ALK: variants seen among roughly 807,000 people sequenced by gnomAD.
ALK encodes ALK tyrosine kinase receptor.
In ALK, 74 loss-of-function variants were observed where a neutral mutation model predicts 163.1. The observed-to-expected ratio is 0.45, with a 90% CI of 0.38 to 0.55. The LOEUF is 0.55. ALK is among the 20% of genes least tolerant of loss of function. The pLI is 0.00. For synonymous variants in ALK, 960 were observed against 843.2 expected (o/e 1.14, Z -2.40); for missense variants, 2,063 against 2,105.3 (o/e 0.98, Z 0.39).
At chr2:29,500,070 C>T (rs1306481119) in intron 4 of ALK, among the ~76,000 whole-genome samples, 1 of 152,198 alleles carries the variant, frequency 6.6e-6, no homozygotes, top group African/African-American at 2.4e-5. Context: ...ATGGCTCCTT[C>T]CCCACAGTGG....
chr2:29,200,788 TAC>T lies in ALK; in HGVS notation c.3939-3114_3939-3113del, dbSNP rs368405957. Among the ~76,000 whole-genome samples, 820 of 133,468 alleles carry T rather than the reference TAC, an allele frequency of 6.1e-3. 17 individuals carry two copies. The highest frequency in any genetic ancestry group is 0.027 in the Admixed American group (343 of 12,682). 87.6% of individuals were successfully genotyped at this position (133,468 alleles called of 152,430 possible). ...ATATATATACGTATATATATGTATA[TAC>T]ATGTATACATATATATGTGTGTATA... is the stretch of plus-strand genomic sequence containing the variant. On this transcript the variant is annotated intron_variant, in intron 26 of 28. Transcript: ENST00000389048.
intron 5 of ALK, among the ~76,000 whole-genome samples, chr2:29,344,075 A>G (rs1667877801): frequency 6.6e-6 from 1 of 152,242 alleles, no homozygotes; most frequent in Non-Finnish European, 1.5e-5. Context: ...CAGGGGCACA[A>G]GTGTCTCCTA....
intron 4 of ALK, among the ~76,000 whole-genome samples, chr2:29,503,308 T>C (rs548531644): frequency 1.3e-5 from 2 of 152,360 alleles, no homozygotes; most frequent in South Asian, 4.1e-4. Context: ...GGATCTGGTC[T>C]ATTGGATTTA....
intron 4 of ALK, among the ~76,000 whole-genome samples, chr2:29,485,896 T>C (rs1222610935): frequency 6.6e-6 from 1 of 152,184 alleles, no homozygotes; most frequent in African/African-American, 2.4e-5. Flanking sequence ...TTGTGGGAGC[T>C]GATCTCATGT....
At chr2:29,826,243 A>G (rs745486577) in intron 1 of ALK, among the ~76,000 whole-genome samples, 1 of 132,392 alleles carries the variant, frequency 7.6e-6, no homozygotes, top group African/African-American at 2.7e-5. Flanking sequence ...GCAAAATCCA[A>G]ACTATTACAG....
At chr2:29,260,863 A>G (rs999990659) in intron 11 of ALK, among the ~76,000 whole-genome samples, 4 of 151,680 alleles carry the variant, frequency 2.6e-5, no homozygotes, top group Non-Finnish European at 5.9e-5. Context: ...AAAAAAAACA[A>G]CAACAAAAAA....
intron 12 of ALK, among the ~76,000 whole-genome samples, chr2:29,240,860 T>C (rs1242195101): frequency 2.0e-5 from 3 of 152,202 alleles, no homozygotes; most frequent in African/African-American, 4.8e-5. Context: ...TCCATGTGTA[T>C]TCAGATCCAA....
At chr2:29,813,759 T>TAAA (rs1664818340) in intron 1 of ALK, among the ~76,000 whole-genome samples, 1 of 152,036 alleles carries the variant, frequency 6.6e-6, no homozygotes, top group African/African-American at 2.4e-5. Context: ...CTCAGTCTGT[T>TAAA]CTCCTTGTGG....
rs570820266 is a variant in ALK, at chr2:29,831,739, G to A, written c.667+88254C>T. Among the ~76,000 whole-genome samples, 8 of 152,220 alleles carry A rather than the reference G, an allele frequency of 5.3e-5. No individual in the cohort carries two copies. The South Asian group carries it at 6.2e-4, about 12-fold the overall frequency. On this transcript the variant is annotated intron_variant, in intron 1 of 28. Transcript: ENST00000389048. ...ATAGTTTCTCCAGATGCTAAATGAC[G>A]ATATACATATGTGTCACTCTCTATG...
intron 4 of ALK, among the ~76,000 whole-genome samples, chr2:29,520,269 G>A (rs987996958): frequency 2.6e-5 from 4 of 152,168 alleles, no homozygotes; most frequent in Non-Finnish European, 5.9e-5. Flanking sequence ...GAAGTGAGTC[G>A]TTATGAAGAA....
chr2:29,508,941 A>G (rs1437904867), intron 4 of ALK, among the ~76,000 whole-genome samples: 1 of 152,082 alleles, frequency 6.6e-6, no homozygotes, highest in Non-Finnish European at 1.5e-5. Context: ...AAAGATGCCC[A>G]GGCTCCTTTC....
At chr2:29,306,696 C>T (rs7584501) in intron 8 of ALK, among the ~76,000 whole-genome samples, 2 of 152,132 alleles carry the variant, frequency 1.3e-5, no homozygotes, top group Non-Finnish European at 2.9e-5. Context: ...CACAAATATG[C>T]GAAATCTGAC....
intron 1 of ALK, among the ~76,000 whole-genome samples, chr2:29,823,024 G>A (rs1214187039): frequency 6.6e-6 from 1 of 152,194 alleles, no homozygotes; most frequent in Admixed American, 6.5e-5. Context: ...ATTTCCACGT[G>A]TTATGGGAGG....
At position 29,369,643 on chromosome 2, in the gene ALK, A is replaced by C. The variant is rs572496086; in HGVS notation, c.1282+14089T>G. 1.2e-4 allele frequency among the ~76,000 whole-genome samples: 19 copies of C among 152,252 alleles called. No homozygotes were observed. In the East Asian group the frequency reaches 3.5e-3, roughly 28 times the overall value. On this transcript the variant is annotated intron_variant, in intron 5 of 28. Transcript: ENST00000389048. The stretch of plus-strand genomic sequence containing the variant: ...CACGGCCCAGGTTTCTTCCCTTCAC[A>C]AAAGGAAAGGAAGAAAGTCGAGAAG...
chr2:29,833,025 T>C (rs879876245), intron 1 of ALK, among the ~76,000 whole-genome samples: 1 of 152,036 alleles, frequency 6.6e-6, no homozygotes, highest in African/African-American at 2.4e-5. Flanking sequence ...GAGCCCAGTG[T>C]GGGTGGGTGC....
At chr2:29,252,709 A>T (rs931532140) in intron 11 of ALK, among the ~76,000 whole-genome samples, 4 of 151,694 alleles carry the variant, frequency 2.6e-5, no homozygotes, top group Admixed American at 2.0e-4. Flanking sequence ...TTATTTATTT[A>T]TTTTTTGCAA....
chr2:29,720,204 A>C (rs983221052), intron 1 of ALK, among the ~76,000 whole-genome samples: 20 of 151,968 alleles, frequency 1.3e-4, no homozygotes, highest in African/African-American at 3.4e-4. Flanking sequence ...TAATATATTC[A>C]GGGGTTTAAA....
intron 1 of ALK, among the ~76,000 whole-genome samples, chr2:29,746,945 T>C (rs1680220252): frequency 6.6e-6 from 1 of 152,218 alleles, no homozygotes; most frequent in Non-Finnish European, 1.5e-5. Flanking sequence ...GTCCCTGAGA[T>C]GAATCTCACA....
chr2:29,380,487 T>C (rs1668869112), intron 5 of ALK, among the ~76,000 whole-genome samples: 1 of 151,996 alleles, frequency 6.6e-6, no homozygotes, highest in East Asian at 1.9e-4. Context: ...GGTGCCATCT[T>C]GGCTCACCGC....
Sources: gnomAD v4.1 joint callset for allele counts (sites outside exome capture counted in the v4.1 genomes callset) on GRCh38, gnomAD v4.1.1 for gene constraint, MANE v1.5 for transcripts, NCBI Gene and HGNC (gene_info 2026-07-23, HGNC 2026-07-21) for gene names.